The following MYH8 variants were observed in gnomAD, a reference collection of about 807,000 sequenced individuals.
The protein encoded by MYH8 is myosin-8.
MYH8 carries 168 observed loss-of-function variants against 233.2 expected under a neutral mutation model. The ratio of observed to expected loss-of-function variants is 0.72; its 90% CI spans 0.64 to 0.82. The LOEUF is 0.82. MYH8 is among the 40% of genes least tolerant of loss of function. The pLI, the probability that MYH8 is intolerant of heterozygous loss-of-function variation, is 0.00. For synonymous variants in MYH8, 785 were observed against 850.6 expected, an observed-to-expected ratio of 0.92 and a Z score of 1.34; for missense variants, 1,995 against 2,327.8, an observed-to-expected ratio of 0.86 and a Z score of 2.94.
chr17:10,418,533 C>T, intron 5 of MYH8, 112 bp downstream of exon 5: 2 of 1,591,294 alleles, frequency 1.3e-6, no homozygotes, highest in Non-Finnish European at 1.7e-6. Context: ...AACAGTGAAG[C>T]CCCATGTGGC....
intron 39 of MYH8, among the ~76,000 whole-genome samples, chr17:10,390,843 T>G (rs1471692137): frequency 6.6e-6 from 1 of 152,232 alleles, no homozygotes; most frequent in East Asian, 1.9e-4. Context: ...TTATGATTTA[T>G]GTTCTGTGTG....
Position 10,396,987 on chromosome 17 carries a change from C to T in MYH8, c.4179-1G>A, listed in dbSNP as rs1232284788. 1 of 1,614,210 alleles carries T rather than the reference C, an allele frequency of 6.2e-7. No homozygotes were observed. Among genetic ancestry groups the T allele is most frequent in the Non-Finnish European group, 8.5e-7 (1 of 1,180,032 alleles). ...TTGCAGGCGCTGGGCCAACTTTTTC[C>T]TGAAAAGTTAGCCAGGCAGTCAGGA... On this transcript the variant is annotated splice_acceptor_variant, in intron 30 of 39. Transcript: ENST00000403437. LOFTEE classifies it high-confidence loss of function. This position sits in a 1 kb window ranked among gnomAD's most constrained non-coding sequence, Gnocchi z 4.2.
chr17:10,415,770 CA>C lies in MYH8; in HGVS notation c.512-63del. On this transcript the variant is annotated intron_variant, in intron 5 of 39. Transcript: ENST00000403437. This position sits in a 1 kb window ranked among gnomAD's most constrained non-coding sequence, Gnocchi z 4.1. Reference sequence around the variant, plus strand: ...ATATTTAATATGAAGAGTATTGAATCAGTTCAGATCAAACACAGCTTGTTCT... The same window carrying C: ...ATATTTAATATGAAGAGTATTGAATCGTTCAGATCAAACACAGCTTGTTCT... 2 of 1,520,664 alleles carry C rather than the reference CA, an allele frequency of 1.3e-6. No individual in the cohort carries two copies. Among genetic ancestry groups the C allele is most frequent in the East Asian group, 2.3e-5 (1 of 42,662 alleles). The allele number at this position is 1,520,664 out of a possible 1,614,324, so 94.2% of individuals were successfully genotyped here. A position where few individuals can be genotyped will look rare whatever the true frequency, so the allele number is the denominator to read the frequency against.
At chr17:10,395,061 A>T in intron 34 of MYH8, 72 bp downstream of exon 34, 1 of 1,559,858 alleles carries the variant, frequency 6.4e-7, no homozygotes, top group Admixed American at 1.7e-5. Context: ...GGATCGTTTA[A>T]CAAGGTGTTT....
intron 12 of MYH8, 102 bp downstream of exon 12, chr17:10,413,800 C>T: frequency 1.9e-6 from 3 of 1,553,916 alleles, no homozygotes; most frequent in Non-Finnish European, 2.7e-6. Context: ...ATATGCCCTT[C>T]ACAAGTCGCA....
Position 10,415,337 on chromosome 17 carries a change from G to T in MYH8, c.696C>A (p.Ala232=). 2 of 1,614,184 alleles carry T rather than the reference G, an allele frequency of 1.2e-6. No homozygotes were observed. Among genetic ancestry groups the T allele is most frequent in the South Asian group, 1.1e-5 (1 of 91,082 alleles). The change falls in exon 8 of 40, where the codon GCC becomes GCA. Residue 232 remains alanine, a synonymous_variant. Transcript: ENST00000403437. This position sits in a 1 kb window ranked among gnomAD's most constrained non-coding sequence, Gnocchi z 4.1. ...QIISANPLLE[A]FGNAKTVRND... is the part of the protein sequence containing the mutation. Reference sequence around the variant, plus strand: ...TCCTCACAGTTTTGGCATTGCCAAAGGCCTCCAGTAGGGGATTGGCGCTGA... The same window carrying T: ...TCCTCACAGTTTTGGCATTGCCAAATGCCTCCAGTAGGGGATTGGCGCTGA...
Position 10,414,230 on chromosome 17 carries a change from G to C in MYH8, c.970C>G (p.Pro324Ala), listed in dbSNP as rs1285029288. ...AACTCTTCTTGGTCATCAATACTGG[G>C]AACTGTGATCTCCCCCTGACTGACG... ...AFVSQGEITV[P>A]SIDDQEELMA... The change falls in exon 11 of 40, where the codon CCC (proline) becomes GCC (alanine). Residue 324 changes from proline to alanine, a missense_variant. By Grantham distance (27) the Pro-to-Ala change is conservative. Coordinates refer to ENST00000403437, the MANE Select transcript of MYH8 (RefSeq NM_002472.3). The C allele has an allele frequency of 2.5e-6, 4 of 1,614,132 alleles. No homozygotes were observed. Among genetic ancestry groups the C allele is most frequent in the Non-Finnish European group, 3.4e-6 (4 of 1,180,000 alleles).
At chr17:10,407,477 C>A (rs2072204901) in intron 17 of MYH8, among the ~76,000 whole-genome samples, 1 of 152,152 alleles carries the variant, frequency 6.6e-6, no homozygotes, top group Non-Finnish European at 1.5e-5. Context: ...TTTTGCCTTT[C>A]CTTCCTTGAG....
At chr17:10,395,019 G>T in intron 34 of MYH8, 114 bp downstream of exon 34, 1 of 1,142,554 alleles carries the variant, frequency 8.8e-7, no homozygotes, top group Non-Finnish European at 1.3e-6. Context: ...ACCTTTGTGC[G>T]GTCAGCTGTA....
In MYH8 at chr17:10,419,892, A is replaced by T; in HGVS notation, c.210+126T>A. On this transcript the variant is annotated intron_variant, in intron 3 of 39. Coordinates refer to ENST00000403437, the MANE Select transcript of MYH8 (RefSeq NM_002472.3). This position sits in a 1 kb window ranked among gnomAD's most constrained non-coding sequence, Gnocchi z 4.0. The stretch of plus-strand genomic sequence containing the variant: ...TGAATTTCTTTTGCCTTCCACATCT[A>T]ATGTCTCAACACTGACTAGAAGGGT... 9.3e-7 allele frequency: 1 copy of T among 1,072,622 alleles called. No homozygotes were observed. The highest frequency in any genetic ancestry group is 1.4e-6 in the Non-Finnish European group (1 of 697,558). The allele number at this position is 1,072,622 out of a possible 1,614,324, so 66.4% of individuals were successfully genotyped here.
Position 10,401,108 on chromosome 17 carries a change from C to T in MYH8, c.3192G>A (p.Leu1064=), listed in dbSNP as rs746280646. ...AKRKLEGDLK[L]AQESTMDMEN... is the part of the protein sequence containing the mutation. ...CCATATCCATTGTGGATTCTTGGGC[C>T]AATTTGAGGTCACCCTCCAGTTTCC... is the stretch of plus-strand genomic sequence containing the variant. Residue 1064 remains leucine (L), a synonymous_variant, in exon 25 of 40, where the codon TTG becomes TTA. Coordinates refer to ENST00000403437, the MANE Select transcript of MYH8 (RefSeq NM_002472.3). 6.8e-6 allele frequency: 11 copies of T among 1,614,114 alleles called. No individual in the cohort carries two copies. The South Asian group carries it at 1.1e-4, about 16-fold the overall frequency.
chr17:10,400,532 T>G lies in MYH8; in HGVS notation c.3593A>C (p.Lys1198Thr), dbSNP rs2072128582. 6.2e-7 allele frequency: 1 copy of G among 1,614,182 alleles called. No homozygotes were observed. Among genetic ancestry groups the G allele is most frequent in the East Asian group, 2.2e-5 (1 of 44,868 alleles). Residue 1198 changes from lysine to threonine, a missense_variant, in exon 27 of 40, where the codon AAG becomes ACG. Coordinates refer to ENST00000403437, the MANE Select transcript of MYH8 (RefSeq NM_002472.3). This position sits in a 1 kb window ranked among gnomAD's most constrained non-coding sequence, Gnocchi z 4.0. ...HEAMVAALRK[K>T]HADSMAELGE... The stretch of plus-strand genomic sequence containing the variant: ...AAGCTCAGCCATACTGTCTGCGTGC[T>G]TCTTCCGAAGAGCAGCCACCATAGC...
Position 10,395,274 on chromosome 17 carries a change from C to T in MYH8, c.4821G>A (p.Glu1607=). Residue 1607 remains glutamate (E), a synonymous_variant, in exon 34 of 40, where the codon GAG becomes GAA. Coordinates refer to ENST00000403437, the MANE Select transcript of MYH8 (RefSeq NM_002472.3). ...VETMQSTLDA[E]IRSRNDALRV... is the part of the protein sequence containing the mutation. ...TCAGAGCATCATTTCTGCTTCTAAT[C>T]TCTGCATCCAGCGTGCTCTGCATTG... 1.2e-6 allele frequency: 2 copies of T among 1,614,172 alleles called. No individual in the cohort carries two copies. The highest frequency in any genetic ancestry group is 8.5e-7 in the Non-Finnish European group (1 of 1,180,034).
Position 10,396,444 on chromosome 17 carries a change from A to C in MYH8, c.4539T>G (p.Ser1513=), listed in dbSNP as rs933174853. ...CCTCTGCAATCTGCTCAGTGAGGTC[A>C]GAAATCTCCTCTGTGGTTGAACAGA... ...RENKNLQQEI[S]DLTEQIAEGG... The change falls in exon 33 of 40, where the codon TCT becomes TCG. Residue 1513 remains serine, a synonymous_variant. Transcript: ENST00000403437. The surrounding 1 kb of genome is among the most constrained non-coding windows in gnomAD (Gnocchi z 4.2). The C allele has an allele frequency of 1.2e-6, 2 of 1,614,148 alleles. No individual in the cohort carries two copies. The highest frequency in any genetic ancestry group is 8.5e-7 in the Non-Finnish European group (1 of 1,180,034).
At chr17:10,405,440 T>C (rs1473796045) in intron 21 of MYH8, among the ~76,000 whole-genome samples, 1 of 152,166 alleles carries the variant, frequency 6.6e-6, no homozygotes, top group Non-Finnish European at 1.5e-5. Context: ...TGAAAGCAGA[T>C]ACCTTGACAC....
At position 10,417,051 on chromosome 17, in the gene MYH8, T is replaced by C. The variant is rs1225236441; in HGVS notation, c.512-1343A>G. Among the ~76,000 whole-genome samples the C allele has an allele frequency of 6.6e-6, 1 of 152,206 alleles. No individual in the cohort carries two copies. Among genetic ancestry groups the C allele is most frequent in the Non-Finnish European group, 1.5e-5 (1 of 68,024 alleles). On this transcript the variant is annotated intron_variant, in intron 5 of 39. Transcript: ENST00000403437. The surrounding 1 kb of genome is among the most constrained non-coding windows in gnomAD (Gnocchi z 4.1). ...CCTGGCCTCTTCCCAGCTTTTGATG[T>C]CACTAGTTTGACTTCTGGCAATACT...
chr17:10,400,984 T>C lies in MYH8; in HGVS notation c.3255-25A>G. 21 of 1,613,632 alleles carry C rather than the reference T, an allele frequency of 1.3e-5. No homozygotes were observed. The highest frequency in any genetic ancestry group is 1.7e-5 in the Non-Finnish European group (20 of 1,179,630). On this transcript the variant is annotated intron_variant, in intron 25 of 39. Transcript: ENST00000403437. The surrounding 1 kb of genome is among the most constrained non-coding windows in gnomAD (Gnocchi z 4.0). The stretch of plus-strand genomic sequence containing the variant: ...CCTTTAGACAGAAGAGCAAGACGTA[T>C]TAATACTCATGTGAATTGAAAGATG...
At position 10,392,820 on chromosome 17, in the gene MYH8, G is replaced by C. The variant is rs773918279; in HGVS notation, c.5463+11C>G. The stretch of plus-strand genomic sequence containing the variant: ...TTCCCTTCCCAGATTTAGAGAGATT[G>C]AGACACCCACCCTGGCCTCCAGTTT... On this transcript the variant is annotated intron_variant, in intron 37 of 39. Coordinates refer to ENST00000403437, the MANE Select transcript of MYH8 (RefSeq NM_002472.3). The C allele has an allele frequency of 1.9e-6, 3 of 1,614,108 alleles. No individual in the cohort carries two copies. Among genetic ancestry groups the C allele is most frequent in the Non-Finnish European group, 2.5e-6 (3 of 1,180,020 alleles).
chr17:10,405,405 C>A (rs1406278981), intron 21 of MYH8, among the ~76,000 whole-genome samples: 1 of 152,154 alleles, frequency 6.6e-6, no homozygotes, highest in East Asian at 1.9e-4. Context: ...CTCTATAGGT[C>A]CAGTTTTTAA....
Sources: allele counts gnomAD v4.1 joint callset (sites outside exome capture counted in the v4.1 genomes callset), GRCh38; gene constraint gnomAD v4.1.1; non-coding constraint Gnocchi (gnomAD v3.1); transcripts MANE v1.5; gene names NCBI Gene and HGNC (gene_info 2026-07-23, HGNC 2026-07-21).